Variants in TRDN observed in about 807,000 individuals in gnomAD.
The protein encoded by TRDN is triadin in skeletal muscle.
TRDN carries 161 observed loss-of-function variants against 149.7 expected under a neutral mutation model. The ratio of observed to expected loss-of-function variants is 1.08; its 90% CI spans 0.95 to 1.23. The LOEUF is 1.23. Ranked by LOEUF, TRDN falls within the 50% of genes most tolerant of loss-of-function variation. TRDN has a pLI of 0.00. For missense variants in TRDN, 896 were observed against 823.5 expected (o/e 1.09, Z -1.08); for synonymous variants, 294 against 250.5 (o/e 1.17, Z -1.64).
At chr6:123,544,061 GTTA>G (rs1780989239) in intron 4 of TRDN, among the ~76,000 whole-genome samples, 1 of 152,000 alleles carries the variant, frequency 6.6e-6, no homozygotes, top group Middle Eastern at 3.4e-3. Context: ...ATCTTCATAA[GTTA>G]TTATTAAACC....
intron 2 of TRDN, among the ~76,000 whole-genome samples, chr6:123,556,684 G>A (rs1781681996): frequency 1.4e-5 from 2 of 144,678 alleles, no homozygotes; most frequent in South Asian, 4.3e-4. Flanking sequence ...CTCTCTCACT[G>A]TCTCTAAATC....
intron 1 of TRDN, among the ~76,000 whole-genome samples, chr6:123,614,288 T>TAAAAAAAAAAAAA (rs1216969453): frequency 1.2e-4 from 7 of 59,314 alleles, no homozygotes; most frequent in Admixed American, 2.0e-4. Context: ...AGTGCTTCAT[T>TAAAAAAAAAAAAA]AAAAAAAAAA....
chr6:123,287,691 A>G, intron 24 of TRDN, among the ~76,000 whole-genome samples: 1 of 152,116 alleles, frequency 6.6e-6, no homozygotes, highest in Admixed American at 6.6e-5. Flanking sequence ...CAACTTTTCA[A>G]TCCCAATGAC....
chr6:123,482,924 G>C (rs909657185), intron 9 of TRDN, among the ~76,000 whole-genome samples: 2 of 151,850 alleles, frequency 1.3e-5, no homozygotes, highest in African/African-American at 4.8e-5. Context: ...GCATTTGTAA[G>C]ACAGAATATC....
chr6:123,422,926 G>GA (rs34359908), intron 12 of TRDN, among the ~76,000 whole-genome samples: 2 of 151,964 alleles, frequency 1.3e-5, no homozygotes, highest in Admixed American at 6.6e-5. Flanking sequence ...GGGCTATTAG[G>GA]AAAAAATTAG....
At chr6:123,322,616 A>T (rs746623496) in intron 23 of TRDN, among the ~76,000 whole-genome samples, 2 of 11,566 alleles carry the variant, frequency 1.7e-4, no homozygotes, top group Non-Finnish European at 5.3e-4. Flanking sequence ...TTTAAAATTT[A>T]TTATTATTAT....
At position 123,226,491 on chromosome 6, in the gene TRDN, A is replaced by C. The variant is rs145237415; in HGVS notation, c.1976-2360T>G. Among the ~76,000 whole-genome samples the C allele has an allele frequency of 2.4e-4, 37 of 152,012 alleles. No individual in the cohort carries two copies. The East Asian group carries it at 7.2e-3, about 30-fold the overall frequency. On this transcript the variant is annotated intron_variant, in intron 38 of 40. Coordinates refer to ENST00000334268, the MANE Select transcript of TRDN (RefSeq NM_006073.4). ...TAGAAAAATAAATACAAATGGAAGG[A>C]ATAAAGACCTCAGTGTCTTCAGATT...
Position 123,371,844 on chromosome 6 carries a change from ACCT to A in TRDN, c.1273+3758_1273+3760del, listed in dbSNP as rs1781337817. On this transcript the variant is annotated intron_variant, in intron 19 of 40. Coordinates refer to ENST00000334268, the MANE Select transcript of TRDN (RefSeq NM_006073.4). Reference sequence around the variant, plus strand: ...ACATCTTACCTTTCCTGGTACTTAAACCTCATAAAATCATCACTCTAGTGCTGT... The same window carrying A: ...ACATCTTACCTTTCCTGGTACTTAAACATAAAATCATCACTCTAGTGCTGT... Among the ~76,000 whole-genome samples, 7 of 152,182 alleles carry A rather than the reference ACCT, an allele frequency of 4.6e-5. No homozygotes were observed. The South Asian group carries it at 1.5e-3, about 32-fold the overall frequency.
chr6:123,545,083 A>G (rs1781047391), intron 4 of TRDN, among the ~76,000 whole-genome samples: 1 of 152,022 alleles, frequency 6.6e-6, no homozygotes, highest in Non-Finnish European at 1.5e-5. Flanking sequence ...GGGCAGTTGA[A>G]TAAAAAAATG....
At chr6:123,455,623 C>T (rs1334270280) in intron 10 of TRDN, among the ~76,000 whole-genome samples, 1 of 152,136 alleles carries the variant, frequency 6.6e-6, no homozygotes, top group Non-Finnish European at 1.5e-5. Context: ...TTAGATAACT[C>T]CATAAATTAC....
At position 123,461,403 on chromosome 6, in the gene TRDN, A is replaced by C. The variant is rs1442873435; in HGVS notation, c.931+3503T>G. 2.6e-5 allele frequency among the ~76,000 whole-genome samples: 4 copies of C among 152,196 alleles called. No individual in the cohort carries two copies. The East Asian group carries it at 7.7e-4, about 29-fold the overall frequency. ...ACTTGATAGTAATTCACCTTTCTCTATTCGACTTCATTCATGTAAATTGCA... is the reference window on the plus strand; with the variant it reads ...ACTTGATAGTAATTCACCTTTCTCTCTTCGACTTCATTCATGTAAATTGCA... On this transcript the variant is annotated intron_variant, in intron 10 of 40. Coordinates refer to ENST00000334268, the MANE Select transcript of TRDN (RefSeq NM_006073.4).
chr6:123,527,269 A>C (rs1779995620), intron 5 of TRDN, among the ~76,000 whole-genome samples: 1 of 152,038 alleles, frequency 6.6e-6, no homozygotes, highest in Non-Finnish European at 1.5e-5. Context: ...TGGACCTTTT[A>C]TTTATGACAA....
chr6:123,544,522 A>G (rs1439175562), intron 4 of TRDN, among the ~76,000 whole-genome samples: 3 of 152,110 alleles, frequency 2.0e-5, no homozygotes, highest in African/African-American at 7.2e-5. Flanking sequence ...TAACAGATCC[A>G]TGATGTATAC....
chr6:123,382,071 C>T, intron 15 of TRDN, 47 bp downstream of exon 15: 1 of 1,401,282 alleles, frequency 7.1e-7, no homozygotes, highest in Non-Finnish European at 9.4e-7. Context: ...TATGCTGTTT[C>T]ATGGTTCATC....
chr6:123,274,763 A>G (rs1562241207), intron 26 of TRDN, 93 bp from the exon 27 acceptor site: 1 of 1,246,172 alleles, frequency 8.0e-7, no homozygotes, highest in South Asian at 1.4e-5. Context: ...GGTTATCATA[A>G]TTGGGAGGAT....
intron 10 of TRDN, among the ~76,000 whole-genome samples, chr6:123,455,600 T>C (rs1365169019): frequency 2.6e-5 from 4 of 152,224 alleles, no homozygotes; most frequent in African/African-American, 9.6e-5. Context: ...TCAATTCACA[T>C]GCACTTATCT....
chr6:123,490,051 G>C (rs915319711), intron 9 of TRDN, among the ~76,000 whole-genome samples: 1 of 152,178 alleles, frequency 6.6e-6, no homozygotes, highest in South Asian at 2.1e-4. Flanking sequence ...ACAGAGAGCA[G>C]TAAGCTAGAC....
chr6:123,573,293 G>A (rs1221755184), intron 1 of TRDN, among the ~76,000 whole-genome samples: 1 of 152,056 alleles, frequency 6.6e-6, no homozygotes, highest in African/African-American at 2.4e-5. Context: ...AATAACTCAT[G>A]CAAATTGTTT....
chr6:123,290,863 A>G (rs1777985298), intron 24 of TRDN, among the ~76,000 whole-genome samples: 1 of 152,206 alleles, frequency 6.6e-6, no homozygotes, highest in Non-Finnish European at 1.5e-5. Flanking sequence ...ATGGAAAGAA[A>G]AAGTACTTTC....
Sources: allele counts gnomAD v4.1 joint callset (sites outside exome capture counted in the v4.1 genomes callset), GRCh38; gene constraint gnomAD v4.1.1; transcripts MANE v1.5; gene names NCBI Gene and HGNC (gene_info 2026-07-23, HGNC 2026-07-21).